The following DAB1 variants were observed in gnomAD, a reference collection of about 807,000 sequenced individuals.
DAB1 encodes the protein DAB adaptor protein 1, also known as disabled homolog 1.
A neutral mutation model predicts 64.6 loss-of-function variants in DAB1; 15 were observed. The ratio of observed to expected loss-of-function variants is 0.23; its 90% CI spans 0.16 to 0.36. The LOEUF (loss-of-function observed/expected upper bound fraction) is 0.36. Among genes scored for constraint, DAB1 ranks in the 10% least tolerant of loss-of-function variants. The probability of loss-of-function intolerance (pLI) is 1.00; values close to 1 mark genes in which losing one functional copy is unlikely to be tolerated. For synonymous variants in DAB1, 235 were observed against 251.9 expected (o/e 0.93, Z 0.64); for missense variants, 596 against 706.7 (o/e 0.84, Z 1.78).
chr1:57,246,050 G>A (rs1668848218), intron 2 of DAB1, among the ~76,000 whole-genome samples: 1 of 152,224 alleles, frequency 6.6e-6, no homozygotes, highest in South Asian at 2.1e-4. Flanking sequence ...TTTGCAGCCT[G>A]ACTAGGTGGT....
chr1:57,167,284 G>A (rs951552074), intron 2 of DAB1, among the ~76,000 whole-genome samples: 1 of 152,100 alleles, frequency 6.6e-6, no homozygotes, highest in Non-Finnish European at 1.5e-5. Context: ...CTCTCAGGAA[G>A]GTAAAGTCAT....
In DAB1 at chr1:58,498,253, AC is replaced by A. The variant is rs144771199; in HGVS notation, n.257+7806del. ...TAAAACTAAAAGTTAAAAAAAAAAA[AC>A]AACTTTTTCCATTGTCTTCCATTCT... On this transcript the variant is annotated intron_variant and non_coding_transcript_variant, in intron 3 of 20. Coordinates refer to the DAB1 transcript ENST00000485760. Among the ~76,000 whole-genome samples, 483 of 152,048 alleles carry A rather than the reference AC, an allele frequency of 3.2e-3. 22 individuals are homozygous for A. The East Asian group carries it at 0.077, about 24-fold the overall frequency.
upstream of DAB1, among the ~76,000 whole-genome samples, chr1:57,424,310 G>C (rs1685171885): frequency 6.6e-6 from 1 of 151,476 alleles, no homozygotes; most frequent in South Asian, 2.1e-4. Flanking sequence ...GCCGAGTGGC[G>C]GTGGCGACGA....
At chr1:58,431,377 G>A (rs1204378916) in intron 3 of DAB1, among the ~76,000 whole-genome samples, 3 of 152,012 alleles carry the variant, frequency 2.0e-5, no homozygotes, top group Non-Finnish European at 2.9e-5. Context: ...GGCCAACATG[G>A]TGAAACCCCA....
At chr1:57,089,353 C>T (rs888303251) in intron 4 of DAB1, among the ~76,000 whole-genome samples, 2 of 152,074 alleles carry the variant, frequency 1.3e-5, no homozygotes, top group African/African-American at 4.8e-5. Flanking sequence ...TAAAGAAATA[C>T]CTGAGACTGG....
At chr1:57,827,222 T>C (rs1193762795) in intron 1 of DAB1, among the ~76,000 whole-genome samples, 3 of 152,158 alleles carry the variant, frequency 2.0e-5, no homozygotes, top group East Asian at 1.9e-4. Flanking sequence ...CCTTCTCCTA[T>C]AGGACATCAA....
intron 7 of DAB1, among the ~76,000 whole-genome samples, chr1:57,578,410 C>T (rs1318521877): frequency 1.3e-5 from 2 of 152,172 alleles, no homozygotes; most frequent in African/African-American, 2.4e-5. Flanking sequence ...GCTTCATGGG[C>T]TTTGGAGTTA....
intron 1 of DAB1, among the ~76,000 whole-genome samples, chr1:57,393,119 C>T (rs543919146): frequency 7.9e-5 from 12 of 152,212 alleles, no homozygotes; most frequent in Admixed American, 2.6e-4. Flanking sequence ...ATGGCTAAAT[C>T]GAGCTATTTC....
intron 1 of DAB1, among the ~76,000 whole-genome samples, chr1:57,855,048 G>A (rs1321948271): frequency 6.6e-6 from 1 of 152,140 alleles, no homozygotes; most frequent in Non-Finnish European, 1.5e-5. Flanking sequence ...GAAGGACAGT[G>A]TATTTCAGAA....
chr1:57,016,858 T>C lies in DAB1; in HGVS notation c.896-1427A>G, dbSNP rs11206956. Among the ~76,000 whole-genome samples, 29 of 152,334 alleles carry C rather than the reference T, an allele frequency of 1.9e-4. No homozygotes were observed. The East Asian group carries it at 5.2e-3, about 27-fold the overall frequency. On this transcript the variant is annotated intron_variant, in intron 11 of 14. Coordinates refer to ENST00000371236, the MANE Select transcript of DAB1 (RefSeq NM_001365792.1). ...GCCACGTACACTAGTAGGTGTTTTA[T>C]GTCTTCACGAAATCCCGGCAGGGTA...
At chr1:57,253,859 G>A (rs557160299) in intron 2 of DAB1, among the ~76,000 whole-genome samples, 398 of 152,244 alleles carry the variant, frequency 2.6e-3, no homozygotes, top group Non-Finnish European at 4.4e-3. Context: ...TTACCTGATA[G>A]GACATTTATT....
intron 6 of DAB1, among the ~76,000 whole-genome samples, chr1:57,761,631 C>G (rs953660063): frequency 3.3e-5 from 5 of 152,214 alleles, no homozygotes; most frequent in Non-Finnish European, 5.9e-5. Flanking sequence ...CCCCTCCCCT[C>G]TAAATACGAG....
At chr1:58,365,983 T>C (rs1644212892) in intron 3 of DAB1, among the ~76,000 whole-genome samples, 1 of 152,142 alleles carries the variant, frequency 6.6e-6, no homozygotes, top group Non-Finnish European at 1.5e-5. Context: ...CCATCACTAG[T>C]GGTAGGTACA....
At chr1:57,756,320 C>A (rs190892092) in intron 6 of DAB1, among the ~76,000 whole-genome samples, 7 of 152,140 alleles carry the variant, frequency 4.6e-5, no homozygotes, top group Admixed American at 4.6e-4. Flanking sequence ...CAGAACAGCA[C>A]CAAGAAGTCA....
chr1:57,434,074 C>G (rs750181990), intron 7 of DAB1, among the ~76,000 whole-genome samples: 31 of 152,074 alleles, frequency 2.0e-4, no homozygotes, highest in Non-Finnish European at 1.5e-4. Context: ...GGAAAATTAC[C>G]TGGCACTTTC....
Position 57,273,518 on chromosome 1 carries a change from CCTGA to C in DAB1, c.67+17442_67+17445del, listed in dbSNP as rs200294035. Among the ~76,000 whole-genome samples, 511 of 113,342 alleles carry C rather than the reference CCTGA, an allele frequency of 4.5e-3. 2 individuals carry two copies. The highest frequency in any genetic ancestry group is 9.6e-3 in the African/African-American group (269 of 27,962). The allele number at this position is 113,342 out of a possible 152,430, so 74.4% of individuals were successfully genotyped here. A position where few individuals can be genotyped will look rare whatever the true frequency, so the allele number is the denominator to read the frequency against. On this transcript the variant is annotated intron_variant, in intron 2 of 14. Transcript: ENST00000371236. ...CAACATCTAAGATGCATCCACCAAG[CCTGA>C]CTGCCTGCCTGCCTGCCTGCCTGCC... is the stretch of plus-strand genomic sequence containing the variant.
intron 9 of DAB1, among the ~76,000 whole-genome samples, chr1:57,053,814 A>G (rs993101965): frequency 1.3e-5 from 2 of 150,494 alleles, no homozygotes; most frequent in African/African-American, 4.9e-5. Context: ...CAGACTCCTG[A>G]GTAGCTGGGA....
At chr1:57,401,497 A>G (rs1683240188) in intron 1 of DAB1, among the ~76,000 whole-genome samples, 1 of 152,214 alleles carries the variant, frequency 6.6e-6, no homozygotes, top group Admixed American at 6.5e-5. Context: ...TACAGTAGGA[A>G]CAGGGATGGA....
chr1:58,416,875 G>C (rs1395927314), intron 3 of DAB1, among the ~76,000 whole-genome samples: 1 of 152,064 alleles, frequency 6.6e-6, no homozygotes, highest in Non-Finnish European at 1.5e-5. Context: ...TGAAACATCA[G>C]ACTGTAAAAT....
Sources: allele counts gnomAD v4.1 joint callset (sites outside exome capture counted in the v4.1 genomes callset), GRCh38; gene constraint gnomAD v4.1.1; transcripts MANE v1.5; gene names NCBI Gene and HGNC (gene_info 2026-07-23, HGNC 2026-07-21).